ST8SIA4: variants seen among roughly 807,000 people sequenced by gnomAD.
ST8SIA4 encodes ST8 alpha-N-acetyl-neuraminide alpha-2,8-sialyltransferase 4.
In ST8SIA4, 15 loss-of-function variants were observed where a neutral mutation model predicts 33.9. The observed-to-expected ratio is 0.44, with a 90% CI of 0.30 to 0.68. ST8SIA4 has a LOEUF of 0.68. Ranked by LOEUF, ST8SIA4 falls within the 30% of genes least tolerant of loss-of-function variation. The probability of loss-of-function intolerance (pLI) is 0.10; values close to 1 mark genes in which losing one functional copy is unlikely to be tolerated. For synonymous variants in ST8SIA4, 171 were observed against 151.2 expected, an observed-to-expected ratio of 1.13 and a Z score of -0.96; for missense variants, 321 against 428.0, an observed-to-expected ratio of 0.75 and a Z score of 2.21.
Position 100,895,699 on chromosome 5 carries a change from T to G in ST8SIA4, c.200A>C (p.Asn67Thr). Residue 67 changes from asparagine (N) to threonine (T), a missense_variant, in exon 2 of 5, where the codon AAT (asparagine) becomes ACT (threonine). Asn to Thr is a moderately conservative substitution (Grantham distance 65). Coordinates refer to ENST00000231461, the MANE Select transcript of ST8SIA4 (RefSeq NM_005668.6). ...RKAGSSIFQH[N>T]VEGWKINSSL... is the part of the protein sequence containing the mutation. ...GGAATTGATTTTCCAACCTTCTACA[T>G]TGTGCTGGAAGATTGAAGAGCCAGC... The G allele has an allele frequency of 4.3e-6, 7 of 1,612,814 alleles. No individual in the cohort carries two copies. The highest frequency in any genetic ancestry group is 5.9e-6 in the Non-Finnish European group (7 of 1,179,084).
Position 100,893,338 on chromosome 5 carries a change from A to G in ST8SIA4, c.245+2316T>C, listed in dbSNP as rs143376006. Among the ~76,000 whole-genome samples, 869 of 152,262 alleles carry G rather than the reference A, an allele frequency of 5.7e-3. 4 individuals are homozygous for G. Among genetic ancestry groups the G allele is most frequent in the African/African-American group, 0.016 (648 of 41,574 alleles). On this transcript the variant is annotated intron_variant, in intron 2 of 4. Coordinates refer to ENST00000231461, the MANE Select transcript of ST8SIA4 (RefSeq NM_005668.6). ...TGAACTCTTTGCACATTGTACAATA[A>G]TGGTTTTACAAATTATCCTTTCCTT... is the stretch of plus-strand genomic sequence containing the variant.
chr5:100,850,742 G>A (rs1302414042), intron 4 of ST8SIA4, among the ~76,000 whole-genome samples: 3 of 150,822 alleles, frequency 2.0e-5, no homozygotes, highest in Admixed American at 2.0e-4. Context: ...TTTTCTGTGG[G>A]AAAAAAACAC....
intron 3 of ST8SIA4, among the ~76,000 whole-genome samples, chr5:100,878,910 G>A (rs1752360166): frequency 6.6e-6 from 1 of 152,094 alleles, no homozygotes; most frequent in South Asian, 2.1e-4. Context: ...TATGTGGTAG[G>A]CAGTACCACA....
At chr5:100,829,215 G>A (rs1218698857) in intron 4 of ST8SIA4, among the ~76,000 whole-genome samples, 1 of 152,158 alleles carries the variant, frequency 6.6e-6, no homozygotes, top group Non-Finnish European at 1.5e-5. Flanking sequence ...CCTACAAAGC[G>A]GTGTGAGCTA....
At chr5:100,863,093 A>G (rs1055150014) in intron 3 of ST8SIA4, among the ~76,000 whole-genome samples, 2 of 152,154 alleles carry the variant, frequency 1.3e-5, no homozygotes, top group African/African-American at 4.8e-5. Context: ...TCTTCTGTAA[A>G]TCCTCCTCCC....
intron 4 of ST8SIA4, among the ~76,000 whole-genome samples, chr5:100,832,369 G>C (rs908387569): frequency 1.3e-5 from 2 of 152,002 alleles, no homozygotes; most frequent in Non-Finnish European, 2.9e-5. Context: ...AGATATTTTC[G>C]TATCGCAGAT....
chr5:100,864,833 A>C (rs1411193385), intron 3 of ST8SIA4, among the ~76,000 whole-genome samples: 1 of 152,192 alleles, frequency 6.6e-6, no homozygotes, highest in Non-Finnish European at 1.5e-5. Context: ...TGTATCCCAC[A>C]AAACAACCAA....
intron 4 of ST8SIA4, among the ~76,000 whole-genome samples, chr5:100,822,927 T>C (rs963896614): frequency 1.4e-4 from 21 of 151,878 alleles, no homozygotes; most frequent in Admixed American, 6.6e-4. Context: ...GTCAGGAGAT[T>C]GAGATCATCC....
intron 4 of ST8SIA4, among the ~76,000 whole-genome samples, chr5:100,823,401 T>A (rs980852636): frequency 6.6e-6 from 1 of 152,182 alleles, no homozygotes; most frequent in Non-Finnish European, 1.5e-5. Context: ...AAGTAGCCAT[T>A]CTTATATTCC....
intron 4 of ST8SIA4, chr5:100,848,951 T>A (rs1052741908): frequency 5.6e-6 from 1 of 177,868 alleles, no homozygotes; most frequent in Admixed American, 6.6e-5. Flanking sequence ...TTCTTATATA[T>A]ATTTCTTCTG....
rs1450356822 is a variant in ST8SIA4 at position 100,895,475 on chromosome 5, AT to A, written c.245+178del. ...TCATCCTTAAATCTCTGACTATATA[AT>A]GATTTCAGTTTTATGGTTTCATATT... On this transcript the variant is annotated intron_variant, in intron 2 of 4. Transcript: ENST00000231461. Among the ~76,000 whole-genome samples, 12 of 152,186 alleles carry A rather than the reference AT, an allele frequency of 7.9e-5. No homozygotes were observed. The East Asian group carries it at 1.5e-3, about 20-fold the overall frequency.
intron 4 of ST8SIA4, among the ~76,000 whole-genome samples, chr5:100,848,701 A>G (rs1016991842): frequency 6.6e-6 from 1 of 150,582 alleles, no homozygotes; most frequent in Non-Finnish European, 1.5e-5. Flanking sequence ...TATATAACAA[A>G]TAAATACTAC....
At position 100,853,447 on chromosome 5, in the gene ST8SIA4, T is replaced by C. The variant is rs547758929; in HGVS notation, c.797+2656A>G. On this transcript the variant is annotated intron_variant, in intron 4 of 4. Transcript: ENST00000231461. ...ACACTTTAAGAGGGTATATGTAGATTTGTGAACAGGAAGGTGGAGAGAGAA... is the reference window on the plus strand; with the variant it reads ...ACACTTTAAGAGGGTATATGTAGATCTGTGAACAGGAAGGTGGAGAGAGAA... Among the ~76,000 whole-genome samples the C allele has an allele frequency of 2.6e-5, 4 of 152,314 alleles. No homozygotes were observed. The East Asian group carries it at 7.7e-4, about 29-fold the overall frequency.
Position 100,811,723 on chromosome 5 carries a change from G to C in ST8SIA4, c.*124C>G, listed in dbSNP as rs1041678270. 6.5e-5 allele frequency: 62 copies of C among 947,198 alleles called. No homozygotes were observed. The highest frequency in any genetic ancestry group is 9.4e-5 in the Non-Finnish European group (61 of 647,508). The allele number at this position is 947,198 out of a possible 1,614,324, so 58.7% of individuals were successfully genotyped here. A position where few individuals can be genotyped will look rare whatever the true frequency, so the allele number is the denominator to read the frequency against. ...AGCTGGTAGTCGATTTCTCATGAAC[G>C]TCCTTTATTCACCTTTCAGTTCATT... On this transcript the variant is annotated 3_prime_UTR_variant, in exon 5 of 5. Transcript: ENST00000231461.
At chr5:100,821,130 T>G (rs1054688065) in intron 4 of ST8SIA4, among the ~76,000 whole-genome samples, 1 of 152,146 alleles carries the variant, frequency 6.6e-6, no homozygotes, top group Non-Finnish European at 1.5e-5. Flanking sequence ...AGTGCTCTTA[T>G]GAGATCAGAT....
chr5:100,844,014 C>T (rs1751518994), intron 4 of ST8SIA4, among the ~76,000 whole-genome samples: 1 of 151,876 alleles, frequency 6.6e-6, no homozygotes, highest in South Asian at 2.1e-4. Context: ...GACAGAAATT[C>T]TTCACGGAAT....
chr5:100,839,190 A>G lies in ST8SIA4; in HGVS notation c.797+16913T>C, dbSNP rs187940244. On this transcript the variant is annotated intron_variant, in intron 4 of 4. Coordinates refer to ENST00000231461, the MANE Select transcript of ST8SIA4 (RefSeq NM_005668.6). ...ATATGCAAAAAAATTATATTTAATT[A>G]TGATATGAATTTCACTTGTTTTCTG... Among the ~76,000 whole-genome samples, 396 of 152,086 alleles carry G rather than the reference A, an allele frequency of 2.6e-3. 2 individuals carry two copies. The highest frequency in any genetic ancestry group is 9.0e-3 in the African/African-American group (374 of 41,514).
chr5:100,807,391 C>T lies in ST8SIA4; in HGVS notation c.*4456G>A, dbSNP rs1938664095. 1 of 152,480 alleles carries T rather than the reference C, an allele frequency of 6.6e-6. No homozygotes were observed. Among genetic ancestry groups the T allele is most frequent in the Non-Finnish European group, 1.5e-5 (1 of 67,942 alleles). 9.4% of individuals were successfully genotyped at this position (152,480 alleles called of 1,614,324 possible). On this transcript the variant is annotated 3_prime_UTR_variant, in exon 5 of 5. Coordinates refer to ENST00000231461, the MANE Select transcript of ST8SIA4 (RefSeq NM_005668.6). ...GTAGCAATTATTCTGTGCAGCAATG[C>T]TATCTCTGTAAACTCTTTTTTTTTC...
At chr5:100,859,114 G>A (rs1225795515) in intron 3 of ST8SIA4, among the ~76,000 whole-genome samples, 3 of 152,000 alleles carry the variant, frequency 2.0e-5, no homozygotes, top group Non-Finnish European at 4.4e-5. Context: ...AATAACCAAC[G>A]AGCTGTGTTG....
Sources: allele counts gnomAD v4.1 joint callset (sites outside exome capture counted in the v4.1 genomes callset), GRCh38; gene constraint gnomAD v4.1.1; transcripts MANE v1.5; gene names NCBI Gene and HGNC (gene_info 2026-07-23, HGNC 2026-07-21).